The following GPC5 variants were observed in gnomAD, a reference collection of about 807,000 sequenced individuals.
GPC5 encodes the protein glypican 5, also known as glypican-5.
GPC5 carries 47 observed loss-of-function variants against 53.9 expected under a neutral mutation model. The ratio of observed to expected loss-of-function variants is 0.87; its 90% CI spans 0.69 to 1.11. GPC5 has a LOEUF of 1.11. Ranked by LOEUF, GPC5 falls within the 50% of genes most tolerant of loss-of-function variation. The pLI, the probability that GPC5 is intolerant of heterozygous loss-of-function variation, is 0.00. For missense variants in GPC5, 748 were observed against 713.1 expected (o/e 1.05, Z -0.56); for synonymous variants, 286 against 263.3 (o/e 1.09, Z -0.84).
At chr13:92,206,167 A>ATTTTTTTTTTTTTTTT (rs1333690683) in intron 7 of GPC5, among the ~76,000 whole-genome samples, 1 of 27,980 alleles carries the variant, frequency 3.6e-5, no homozygotes, top group Non-Finnish European at 9.0e-5. Context: ...TTTTTTTTTT[A>ATTTTTTTTTTTTTTTT]TTTTTTTTTT....
intron 7 of GPC5, among the ~76,000 whole-genome samples, chr13:92,790,279 T>C (rs971550092): frequency 1.1e-4 from 17 of 152,100 alleles, no homozygotes; most frequent in African/African-American, 4.1e-4. Flanking sequence ...AGAAGGATAG[T>C]TAGAAAATTC....
At chr13:92,311,608 G>A (rs766668321) in intron 7 of GPC5, among the ~76,000 whole-genome samples, 3 of 152,178 alleles carry the variant, frequency 2.0e-5, no homozygotes, top group Non-Finnish European at 4.4e-5. Flanking sequence ...AACAAACAAA[G>A]TCACGTCTTA....
At chr13:92,476,197 G>GA (rs1263074173) in intron 7 of GPC5, among the ~76,000 whole-genome samples, 2 of 151,946 alleles carry the variant, frequency 1.3e-5, no homozygotes, top group Non-Finnish European at 2.9e-5. Flanking sequence ...AAATTTACAA[G>GA]AAAAAAACAA....
At chr13:92,862,613 GGAGATAGATAGA>G (rs1879216534) in intron 7 of GPC5, among the ~76,000 whole-genome samples, 1 of 144,170 alleles carries the variant, frequency 6.9e-6, no homozygotes, top group African/African-American at 2.6e-5. Flanking sequence ...TATATCTAGT[GGAGATAGATAGA>G]CAGATAGATA....
At chr13:92,832,385 G>T (rs1878076458) in intron 7 of GPC5, among the ~76,000 whole-genome samples, 2 of 152,178 alleles carry the variant, frequency 1.3e-5, no homozygotes, top group Admixed American at 6.5e-5. Flanking sequence ...TACAAACTCA[G>T]TGGAGTAACT....
intron 6 of GPC5, among the ~76,000 whole-genome samples, chr13:92,072,422 A>G (rs1256805730): frequency 6.6e-6 from 1 of 151,624 alleles, no homozygotes; most frequent in Non-Finnish European, 1.5e-5. Context: ...GTGCACCACC[A>G]TGCCCAGCTA....
At chr13:91,566,293 C>T (rs889226201) in intron 2 of GPC5, among the ~76,000 whole-genome samples, 4 of 152,028 alleles carry the variant, frequency 2.6e-5, no homozygotes, top group Admixed American at 6.6e-5. Context: ...TGGCCGGGCG[C>T]GGTGGCTTAT....
At chr13:91,820,478 C>T (rs1046630129) in intron 5 of GPC5, among the ~76,000 whole-genome samples, 14 of 152,084 alleles carry the variant, frequency 9.2e-5, no homozygotes, top group African/African-American at 3.4e-4. Context: ...AGCCTCCCCC[C>T]ACCACCATCC....
intron 6 of GPC5, among the ~76,000 whole-genome samples, chr13:91,931,662 C>T (rs1414332415): frequency 6.6e-6 from 1 of 151,976 alleles, no homozygotes; most frequent in African/African-American, 2.4e-5. Context: ...GAATAAACTC[C>T]TCTATCCTTA....
At chr13:92,551,616 G>A (rs1304050914) in intron 7 of GPC5, among the ~76,000 whole-genome samples, 1 of 151,824 alleles carries the variant, frequency 6.6e-6, no homozygotes, top group Non-Finnish European at 1.5e-5. Flanking sequence ...ATTTAGATTT[G>A]GTGTGGCAGA....
rs1566517202 is a variant in GPC5 at position 91,572,138 on chromosome 13, T to TATATACGTGTGTATATACACAC, written c.326-121047_326-121046insATACGTGTGTATATACACACAT. Among the ~76,000 whole-genome samples the TATATACGTGTGTATATACACAC allele has an allele frequency of 7.8e-4, 97 of 124,280 alleles. 12 individuals carry two copies. The highest frequency in any genetic ancestry group is 3.8e-3 in the African/African-American group (84 of 22,284). 81.5% of individuals were successfully genotyped at this position (124,280 alleles called of 152,430 possible). ...GTATATATACGTGTGTATATACACA[T>TATATACGTGTGTATATACACAC]ATGTATATATACGTGTGTATACACA... On this transcript the variant is annotated intron_variant, in intron 2 of 7. Coordinates refer to ENST00000377067, the MANE Select transcript of GPC5 (RefSeq NM_004466.6).
At chr13:92,744,542 A>G (rs1253383885) in intron 7 of GPC5, among the ~76,000 whole-genome samples, 3 of 151,914 alleles carry the variant, frequency 2.0e-5, no homozygotes, top group Admixed American at 2.0e-4. Flanking sequence ...GAACCCTAAG[A>G]ATACAAAGGT....
chr13:92,483,087 C>T (rs1879418376), intron 7 of GPC5, among the ~76,000 whole-genome samples: 1 of 152,154 alleles, frequency 6.6e-6, no homozygotes, highest in Non-Finnish European at 1.5e-5. Context: ...ATCACGAGAA[C>T]AGTATGGAGG....
chr13:91,864,663 T>C (rs2039065107), intron 5 of GPC5, among the ~76,000 whole-genome samples: 1 of 152,138 alleles, frequency 6.6e-6, no homozygotes, highest in South Asian at 2.1e-4. Context: ...CACTACAACA[T>C]TAAAAGAAAG....
chr13:92,759,627 G>T (rs570468399), intron 7 of GPC5, among the ~76,000 whole-genome samples: 1 of 151,866 alleles, frequency 6.6e-6, no homozygotes, highest in African/African-American at 2.4e-5. Context: ...AGTCTTTAGG[G>T]CTCTCTATAC....
At chr13:92,314,289 A>G (rs1289217235) in intron 7 of GPC5, among the ~76,000 whole-genome samples, 8 of 152,162 alleles carry the variant, frequency 5.3e-5, no homozygotes, top group Non-Finnish European at 8.8e-5. Flanking sequence ...GACTCTCAAA[A>G]TATCTTCAAG....
chr13:92,055,364 T>C (rs1385302659), intron 6 of GPC5, among the ~76,000 whole-genome samples: 1 of 152,206 alleles, frequency 6.6e-6, no homozygotes, highest in Non-Finnish European at 1.5e-5. Context: ...GATGTGGTAA[T>C]TGATTATTAA....
At chr13:92,256,963 C>T (rs779333839) in intron 7 of GPC5, among the ~76,000 whole-genome samples, 1 of 152,020 alleles carries the variant, frequency 6.6e-6, no homozygotes, top group South Asian at 2.1e-4. Context: ...CTCCCGATTT[C>T]TCTCTCTTCC....
intron 5 of GPC5, among the ~76,000 whole-genome samples, chr13:91,783,629 A>T (rs1194257460): frequency 6.6e-6 from 1 of 151,928 alleles, no homozygotes; most frequent in African/African-American, 2.4e-5. Flanking sequence ...TTTAGTAGAG[A>T]TGGGGTTTCA....
Sources: gnomAD v4.1 joint callset for allele counts (sites outside exome capture counted in the v4.1 genomes callset) on GRCh38, gnomAD v4.1.1 for gene constraint, MANE v1.5 for transcripts, NCBI Gene and HGNC (gene_info 2026-07-23, HGNC 2026-07-21) for gene names.